POLD1: variants seen among roughly 807,000 people sequenced by gnomAD.
The protein encoded by POLD1 is DNA polymerase delta 1, catalytic subunit.
In POLD1, 79 loss-of-function variants were observed where a neutral mutation model predicts 129.7. That is an observed-to-expected ratio of 0.61 (90% CI 0.51 to 0.73). POLD1 has a LOEUF of 0.73. Ranked by LOEUF, POLD1 falls within the 30% of genes least tolerant of loss-of-function variation. POLD1 has a pLI of 0.00. For synonymous variants in POLD1, 714 were observed against 683.3 expected (o/e 1.04, Z -0.70); for missense variants, 1,338 against 1,595.8 (o/e 0.84, Z 2.75).
chr19:50,387,436 C>T (rs758109058), intron 1 of POLD1, among the ~76,000 whole-genome samples: 4 of 152,024 alleles, frequency 2.6e-5, no homozygotes, highest in East Asian at 1.9e-4. Context: ...TGCTTGCTAC[C>T]GAAGGGTCGT....
At chr19:50,384,676 G>A (rs577110929) in intron 1 of POLD1, among the ~76,000 whole-genome samples, 44 of 152,288 alleles carry the variant, frequency 2.9e-4, no homozygotes, top group African/African-American at 1.0e-3. Flanking sequence ...GTGCACGTGC[G>A]GGCTTGGTGT....
At chr19:50,392,337 A>T (rs755830461) in intron 1 of POLD1, among the ~76,000 whole-genome samples, 1 of 152,158 alleles carries the variant, frequency 6.6e-6, no homozygotes, top group Non-Finnish European at 1.5e-5. Context: ...GCCTCAAGTG[A>T]TCATCCCACC....
At chr19:50,396,654 AT>A (rs1050517567) in intron 1 of POLD1, among the ~76,000 whole-genome samples, 1 of 149,592 alleles carries the variant, frequency 6.7e-6, no homozygotes, top group Admixed American at 6.7e-5. Context: ...ATTTTTTTGT[AT>A]TTTTTTAGTA....
At chr19:50,415,675 C>A in intron 21 of POLD1, 49 bp from the exon 22 acceptor site, 1 of 1,453,270 alleles carries the variant, frequency 6.9e-7, no homozygotes, top group Non-Finnish European at 9.3e-7. Flanking sequence ...TCGCCCCCAC[C>A]CCCGCCACCC....
At position 50,414,877 on chromosome 19, in the gene POLD1, G is replaced by T. The variant is rs1414595868; in HGVS notation, c.2451G>T (p.Arg817=). 3 of 1,606,540 alleles carry T rather than the reference G, an allele frequency of 1.9e-6. No homozygotes were observed. Among genetic ancestry groups the T allele is most frequent in the Non-Finnish European group, 2.6e-6 (3 of 1,175,234 alleles). The change falls in exon 20 of 27, where the codon CGG becomes CGT. Residue 817 remains arginine, a synonymous_variant. Transcript: ENST00000440232. The part of the protein sequence containing the change: ...KRYAGLLFSS[R]PDAHDRMDCK... The stretch of plus-strand genomic sequence containing the variant: ...ACGCGGGCCTGCTCTTCTCCTCCCG[G>T]CCCGACGCCCACGACCGCATGGACT...
Position 50,402,098 on chromosome 19 carries a change from T to G in POLD1, c.563T>G (p.Leu188Arg), listed in dbSNP as rs768494581. The G allele has an allele frequency of 1.5e-5, 24 of 1,613,570 alleles. No individual in the cohort carries two copies. The highest frequency in any genetic ancestry group is 4.0e-5 in the African/African-American group (3 of 74,930). ...GGRELTGPAV[L>R]AVELCSRESM... The stretch of plus-strand genomic sequence containing the variant: ...AGGGAGCTGACTGGGCCGGCCGTGC[T>G]GGCTGTGGAACTGTGCTCCCGAGAG... The change falls in exon 5 of 27, where the codon CTG becomes CGG. Residue 188 changes from leucine (L) to arginine (R), a missense_variant. This residue lies in a region of POLD1 where 332 missense variants were observed against 315.7 expected (regional missense o/e 1.05). Coordinates refer to ENST00000440232, the MANE Select transcript of POLD1 (RefSeq NM_002691.4).
In POLD1 at chr19:50,417,109, G is replaced by C; in HGVS notation, c.3120+12G>C. 2 of 1,564,622 alleles carry C rather than the reference G, an allele frequency of 1.3e-6. No individual in the cohort carries two copies. Among genetic ancestry groups the C allele is most frequent in the Non-Finnish European group, 8.7e-7 (1 of 1,153,980 alleles). On this transcript the variant is annotated intron_variant, in intron 25 of 26. Coordinates refer to ENST00000440232, the MANE Select transcript of POLD1 (RefSeq NM_002691.4). ...TGTATCAGAAGGAGGTGAGAGGGCC[G>C]GGAGGTGAGGAGGGGCCAGGTGGGG...
At chr19:50,400,133 ATTTTTTTTT>A (rs71182715) in intron 3 of POLD1, among the ~76,000 whole-genome samples, 19 of 48,156 alleles carry the variant, frequency 3.9e-4, no homozygotes, top group South Asian at 1.5e-3. Flanking sequence ...TTTTTAAAAG[ATTTTTTTTT>A]TTTTTTTTTT....
chr19:50,404,853 G>T (rs1392926984), intron 10 of POLD1, among the ~76,000 whole-genome samples: 1 of 123,430 alleles, frequency 8.1e-6, no homozygotes, highest in Non-Finnish European at 1.5e-5. Context: ...CTCCCAGGGG[G>T]CGCTGGGGTG....
chr19:50,417,301 C>A, intron 26 of POLD1, 32 bp downstream of exon 26: 1 of 1,466,754 alleles, frequency 6.8e-7, no homozygotes, highest in Non-Finnish European at 9.3e-7. Context: ...TGGGCTGCCC[C>A]GCCCCTTCCC....
rs34487979 is a variant in POLD1 at position 50,388,825 on chromosome 19, C to CTTTTTT, written c.-2+4455_-2+4460dup. On this transcript the variant is annotated intron_variant, in intron 1 of 26. Coordinates refer to ENST00000440232, the MANE Select transcript of POLD1 (RefSeq NM_002691.4). ...CCTCTGAAAACTCCAGCAGTTAACT[C>CTTTTTT]TTTTTTTTTTTTTTTTTTTTTTTTT... Among the ~76,000 whole-genome samples the CTTTTTT allele has an allele frequency of 1.9e-3, 167 of 88,878 alleles. 10 individuals are homozygous for CTTTTTT. The highest frequency in any genetic ancestry group is 4.4e-3 in the African/African-American group (92 of 20,882). 58.3% of individuals were successfully genotyped at this position (88,878 alleles called of 152,430 possible).
At chr19:50,404,597 G>A (rs1455754308) in intron 10 of POLD1, among the ~76,000 whole-genome samples, 1 of 12,088 alleles carries the variant, frequency 8.3e-5, no homozygotes, top group African/African-American at 4.1e-4. Flanking sequence ...TTTTTTTTTT[G>A]AGACAGAGTC....
chr19:50,401,372 T>C (rs2038603726), intron 3 of POLD1, among the ~76,000 whole-genome samples: 8 of 53,260 alleles, frequency 1.5e-4, no homozygotes, highest in Admixed American at 1.3e-3. Context: ...TATGTGTATA[T>C]ATATATATAT....
intron 1 of POLD1, among the ~76,000 whole-genome samples, chr19:50,389,173 GT>G (rs1198997840): frequency 3.3e-5 from 5 of 150,418 alleles, no homozygotes; most frequent in African/African-American, 1.2e-4. Context: ...TGTCATGCAG[GT>G]TGTAGTGCAG....
intron 3 of POLD1, 115 bp downstream of exon 3, chr19:50,399,599 C>T (rs777165482): frequency 5.5e-6 from 4 of 725,146 alleles, no homozygotes; most frequent in African/African-American, 1.8e-5. Context: ...CCAGGTCAGC[C>T]CCTCTGGCTC....
rs1290315327 is a variant in POLD1, at chr19:50,402,701, G to A, written c.930G>A (p.Leu310=). 6.3e-7 allele frequency: 1 copy of A among 1,599,944 alleles called. No individual in the cohort carries two copies. The highest frequency in any genetic ancestry group is 1.1e-5 in the South Asian group (1 of 90,420). The change falls in exon 8 of 27, where the codon TTG becomes TTA. Residue 310 remains leucine, a synonymous_variant. Coordinates refer to ENST00000440232, the MANE Select transcript of POLD1 (RefSeq NM_002691.4). ...GGCCATGGCAGCGCATTGCGCCCTT[G>A]CGCGTGCTCAGCTTCGATATCGAGT... ...PEGPWQRIAP[L]RVLSFDIECA...
chr19:50,417,685 C>G (rs1051886618), intron 26 of POLD1, among the ~76,000 whole-genome samples, 157 bp from the exon 27 acceptor site: 7 of 142,524 alleles, frequency 4.9e-5, no homozygotes, highest in South Asian at 2.3e-4. Flanking sequence ...CCCCCCCACC[C>G]CCCCCGTGCC....
rs776773005 is a variant in POLD1 at position 50,399,040 on chromosome 19, G to A, written c.189G>A (p.Glu63=). The stretch of plus-strand genomic sequence containing the variant: ...AGGAGGAGCTGCAGTCAGTCCTGGA[G>A]GGGGTTGCAGACGGTAAGGCTTGGA... The part of the protein sequence containing the change: ...QEEEELQSVL[E]GVADGQVPPS... The change falls in exon 2 of 27, where the codon GAG becomes GAA. Residue 63 remains glutamate (E), a synonymous_variant. Transcript: ENST00000440232. The A allele has an allele frequency of 6.4e-7, 1 of 1,554,172 alleles. No homozygotes were observed. Among genetic ancestry groups the A allele is most frequent in the Non-Finnish European group, 8.7e-7 (1 of 1,148,638 alleles).
Position 50,399,359 on chromosome 19 carries a change from T to G in POLD1, c.203-12T>G. 6.2e-7 allele frequency: 1 copy of G among 1,603,688 alleles called. No homozygotes were observed. On this transcript the variant is annotated splice_polypyrimidine_tract_variant and intron_variant, in intron 2 of 26. Coordinates refer to ENST00000440232, the MANE Select transcript of POLD1 (RefSeq NM_002691.4). Reference sequence around the variant, plus strand: ...ACTCCATGTACTCCACTTCCTTCCCTTCCCCCACCAGGGCAGGTCCCACCA... The same window carrying G: ...ACTCCATGTACTCCACTTCCTTCCCGTCCCCCACCAGGGCAGGTCCCACCA...
Sources: allele counts gnomAD v4.1 joint callset (sites outside exome capture counted in the v4.1 genomes callset), GRCh38; gene constraint gnomAD v4.1.1; regional missense constraint gnomAD v4.1.1; transcripts MANE v1.5; gene names NCBI Gene and HGNC (gene_info 2026-07-23, HGNC 2026-07-21).